EIF2S1: variants seen among roughly 807,000 people sequenced by gnomAD.
EIF2S1 encodes eukaryotic translation initiation factor 2 subunit 1.
A neutral mutation model predicts 33.5 loss-of-function variants in EIF2S1; 5 were observed. The ratio of observed to expected loss-of-function variants is 0.15; its 90% CI spans 0.08 to 0.31. EIF2S1 has a LOEUF of 0.31. EIF2S1 is among the 10% of genes least tolerant of loss of function. The pLI, the probability that EIF2S1 is intolerant of heterozygous loss-of-function variation, is 1.00. For missense variants in EIF2S1, 191 were observed against 384.6 expected (o/e 0.50, Z 4.21); for synonymous variants, 99 against 127.5 (o/e 0.78, Z 1.51).
At chr14:67,364,492 A>G (rs183331046) in intron 1 of EIF2S1, 2 of 332,928 alleles carry the variant, frequency 6.0e-6, no homozygotes, top group African/African-American at 4.3e-5. Flanking sequence ...GGAGTACTTT[A>G]TAGATGGTCA....
At chr14:67,376,362 G>A in intron 3 of EIF2S1, 77 bp from the exon 4 acceptor site, 2 of 1,349,666 alleles carry the variant, frequency 1.5e-6, no homozygotes, top group Non-Finnish European at 2.0e-6. Flanking sequence ...GCCAAATTAT[G>A]TTATTTACTA....
intron 6 of EIF2S1, 180 bp from the exon 7 acceptor site, chr14:67,382,267 A>C: frequency 2.1e-6 from 1 of 468,310 alleles, no homozygotes; most frequent in Non-Finnish European, 3.7e-6. Context: ...TGCTACATTA[A>C]CAAATCACCC....
At chr14:67,365,085 C>A in intron 2 of EIF2S1, 77 bp downstream of exon 2, 3 of 1,396,572 alleles carry the variant, frequency 2.1e-6, no homozygotes, top group Non-Finnish European at 2.9e-6. Context: ...TTGTAAATTG[C>A]AAGCTGCAGC....
At chr14:67,362,544 G>A (rs543448186) in intron 1 of EIF2S1, among the ~76,000 whole-genome samples, 1 of 152,202 alleles carries the variant, frequency 6.6e-6, no homozygotes, top group Admixed American at 6.5e-5. Flanking sequence ...CAGTTCAAAG[G>A]ATGTTATCTT....
intron 3 of EIF2S1, 191 bp downstream of exon 3, chr14:67,374,738 T>C: frequency 2.4e-6 from 1 of 410,220 alleles, no homozygotes; most frequent in Non-Finnish European, 4.3e-6. Context: ...TTAACTTGTT[T>C]ACAGTTGGAA....
At chr14:67,381,434 C>T (rs2085887308) in intron 5 of EIF2S1, among the ~76,000 whole-genome samples, 159 bp from the exon 6 acceptor site, 2 of 152,182 alleles carry the variant, frequency 1.3e-5, no homozygotes, top group South Asian at 4.1e-4. Context: ...TACCACACTC[C>T]TCCTTGCCTC....
chr14:67,379,746 C>G (rs2085877136), intron 4 of EIF2S1, among the ~76,000 whole-genome samples: 4 of 139,696 alleles, frequency 2.9e-5, no homozygotes. Context: ...GCTCCGCCTC[C>G]CGGGTTCACA....
Position 67,360,451 on chromosome 14 carries a change from C to T in EIF2S1, c.-7C>T, listed in dbSNP as rs911412747. 6.3e-5 allele frequency: 24 copies of T among 380,850 alleles called. No homozygotes were observed. The East Asian group carries it at 9.0e-4, about 14-fold the overall frequency. 23.6% of individuals were successfully genotyped at this position (380,850 alleles called of 1,614,324 possible). On this transcript the variant is annotated 5_prime_UTR_variant, in exon 1 of 8. Transcript: ENST00000256383. ...CTCCAGTGCGGGAATCACACACATA[C>T]CTCAGGTGACTAATCCCAAGCTCGG...
chr14:67,380,101 T>C (rs1176602681), intron 4 of EIF2S1, among the ~76,000 whole-genome samples: 3 of 152,194 alleles, frequency 2.0e-5, no homozygotes, highest in Non-Finnish European at 2.9e-5. Flanking sequence ...CTTTACTTTT[T>C]ACAGTGCTAC....
rs1479778002 is a variant in EIF2S1, at chr14:67,383,521, G to C, written c.*81G>C. 6.4e-7 allele frequency: 1 copy of C among 1,570,676 alleles called. No homozygotes were observed. Among genetic ancestry groups the C allele is most frequent in the Admixed American group, 1.8e-5 (1 of 57,004 alleles). On this transcript the variant is annotated 3_prime_UTR_variant, in exon 8 of 8. Transcript: ENST00000256383. ...AAATCCTAGACTTGAAAGTTTTCCA[G>C]TATTGAAAACTTCAAAGCTGAATAT... is the stretch of plus-strand genomic sequence containing the variant.
intron 2 of EIF2S1, among the ~76,000 whole-genome samples, chr14:67,370,238 C>A (rs1438816659): frequency 6.6e-6 from 1 of 152,172 alleles, no homozygotes; most frequent in East Asian, 1.9e-4. Context: ...GGCGTTAGGA[C>A]CATTATGGAC....
At position 67,374,765 on chromosome 14, in the gene EIF2S1, G is replaced by A. The variant is rs146598509; in HGVS notation, c.321+218G>A. 249 of 365,422 alleles carry A rather than the reference G, an allele frequency of 6.8e-4. 1 individual carries two copies. The highest frequency in any genetic ancestry group is 1.1e-3 in the Non-Finnish European group (222 of 203,150). The allele number at this position is 365,422 out of a possible 1,614,324, so 22.6% of individuals were successfully genotyped here. A position where few individuals can be genotyped will look rare whatever the true frequency, so the allele number is the denominator to read the frequency against. On this transcript the variant is annotated intron_variant, in intron 3 of 7. Transcript: ENST00000256383. ...CAGTTGGAATGCCTCATAAAATACG[G>A]GGTTTTTTTGTTTGTTTAAATAGAA... is the stretch of plus-strand genomic sequence containing the variant.
intron 4 of EIF2S1, among the ~76,000 whole-genome samples, chr14:67,377,740 T>C (rs1237921728): frequency 6.6e-6 from 1 of 152,176 alleles, no homozygotes; most frequent in Non-Finnish European, 1.5e-5. Context: ...GTTTCTTCCA[T>C]TTATACTATA....
At chr14:67,381,462 A>C in intron 5 of EIF2S1, 131 bp from the exon 6 acceptor site, 1,290 of 469,498 alleles carry the variant, frequency 2.7e-3, no homozygotes, top group East Asian at 7.0e-3. Context: ...TAAATAAGGA[A>C]CTGCAGTATA....
At chr14:67,376,357 A>G (rs1288399470) in intron 3 of EIF2S1, 82 bp from the exon 4 acceptor site, 5 of 1,326,830 alleles carry the variant, frequency 3.8e-6, no homozygotes, top group South Asian at 3.0e-5. Flanking sequence ...TTGTAGCCAA[A>G]TTATGTTATT....
chr14:67,373,713 C>T (rs1368641558), intron 2 of EIF2S1, among the ~76,000 whole-genome samples: 3 of 151,960 alleles, frequency 2.0e-5, no homozygotes, highest in African/African-American at 4.8e-5. Flanking sequence ...GACTGGGGGG[C>T]GCTGTGGGAA....
At chr14:67,378,528 G>A (rs182833844) in intron 4 of EIF2S1, among the ~76,000 whole-genome samples, 3 of 152,214 alleles carry the variant, frequency 2.0e-5, no homozygotes, top group East Asian at 3.9e-4. Flanking sequence ...GTATTCAAAC[G>A]CGTGCATTCT....
chr14:67,376,794 T>A (rs1383266514), intron 4 of EIF2S1, among the ~76,000 whole-genome samples: 1 of 152,234 alleles, frequency 6.6e-6, no homozygotes, highest in East Asian at 1.9e-4. Context: ...CCATATGGTT[T>A]ATCTCACACA....
At chr14:67,382,376 A>G in intron 6 of EIF2S1, 71 bp from the exon 7 acceptor site, 1 of 1,402,462 alleles carries the variant, frequency 7.1e-7, no homozygotes, top group Non-Finnish European at 9.8e-7. Flanking sequence ...GATTAATAAA[A>G]TCTCAAGCAT....
Sources: allele counts gnomAD v4.1 joint callset (sites outside exome capture counted in the v4.1 genomes callset), GRCh38; gene constraint gnomAD v4.1.1; transcripts MANE v1.5; gene names NCBI Gene and HGNC (gene_info 2026-07-23, HGNC 2026-07-21).